IL20RB: variants seen among roughly 807,000 people sequenced by gnomAD.
The protein encoded by IL20RB is interleukin 20 receptor subunit beta.
In IL20RB, 21 loss-of-function variants were observed where a neutral mutation model predicts 33.3. That is an observed-to-expected ratio of 0.63 (90% CI 0.45 to 0.91). The LOEUF is 0.91. Ranked by LOEUF, IL20RB falls within the 40% of genes least tolerant of loss-of-function variation. IL20RB has a pLI of 0.00. For synonymous variants in IL20RB, 147 were observed against 146.8 expected (o/e 1.00, Z -0.01); for missense variants, 345 against 384.8 (o/e 0.90, Z 0.86).
intron 3 of IL20RB, among the ~76,000 whole-genome samples, chr3:136,985,548 G>A (rs1034997523): frequency 1.3e-5 from 2 of 152,062 alleles, no homozygotes; most frequent in African/African-American, 4.8e-5. Context: ...TGTTGGCCAG[G>A]CTGGTCTCGA....
At chr3:136,962,493 C>T (rs1422518356) in intron 1 of IL20RB, among the ~76,000 whole-genome samples, 1 of 152,164 alleles carries the variant, frequency 6.6e-6, no homozygotes, top group African/African-American at 2.4e-5. Context: ...GTGGCTCATG[C>T]CTGTAATCCC....
At chr3:136,989,804 T>C (rs1941995845) in intron 4 of IL20RB, among the ~76,000 whole-genome samples, 1 of 152,210 alleles carries the variant, frequency 6.6e-6, no homozygotes, top group Non-Finnish European at 1.5e-5. Flanking sequence ...TGCTGAAGTA[T>C]GGGGCTGCCC....
At chr3:136,976,377 T>TG (rs1941618207) in intron 1 of IL20RB, among the ~76,000 whole-genome samples, 1 of 152,080 alleles carries the variant, frequency 6.6e-6, no homozygotes, top group South Asian at 2.1e-4. Flanking sequence ...CTGGAGAAGG[T>TG]GGGGCTGACC....
At chr3:136,975,295 T>C (rs1941586164) in intron 1 of IL20RB, among the ~76,000 whole-genome samples, 1 of 152,128 alleles carries the variant, frequency 6.6e-6, no homozygotes, top group African/African-American at 2.4e-5. Context: ...GATGTATCTG[T>C]GGTGTTCATT....
At chr3:136,972,744 T>A (rs1624703) in intron 1 of IL20RB, among the ~76,000 whole-genome samples, 70,255 of 150,698 alleles carry the variant, frequency 0.47, 16,780 homozygotes, top group East Asian at 0.7. Flanking sequence ...GAAGAAAAAT[T>A]TTTTTTTTTC....
chr3:136,959,572 G>A (rs1316728083), intron 1 of IL20RB: 1 of 152,236 alleles, frequency 6.6e-6, no homozygotes, highest in Non-Finnish European at 1.5e-5. Context: ...GAAGATGGGA[G>A]GCTGAATGAG....
chr3:136,980,720 C>T, intron 2 of IL20RB, 128 bp downstream of exon 2: 1 of 854,654 alleles, frequency 1.2e-6, no homozygotes, highest in Non-Finnish European at 1.9e-6. Flanking sequence ...GATCTACCCC[C>T]TCTGTCTGCA....
At chr3:136,976,615 G>C (rs1408674407) in intron 1 of IL20RB, among the ~76,000 whole-genome samples, 1 of 152,214 alleles carries the variant, frequency 6.6e-6, no homozygotes, top group Non-Finnish European at 1.5e-5. Context: ...AGCATTGTCA[G>C]CTGCAGCCCA....
At chr3:136,976,468 A>G (rs531586685) in intron 1 of IL20RB, among the ~76,000 whole-genome samples, 1 of 152,160 alleles carries the variant, frequency 6.6e-6, no homozygotes, top group Non-Finnish European at 1.5e-5. Flanking sequence ...CTTACCCCCC[A>G]GCCCTGGCAG....
chr3:137,007,450 C>T (rs529108398), intron 6 of IL20RB, among the ~76,000 whole-genome samples: 90 of 152,150 alleles, frequency 5.9e-4, no homozygotes, highest in Non-Finnish European at 1.1e-3. Context: ...CCGCCAAGTT[C>T]GAGCTTCCTG....
At chr3:136,975,064 C>T (rs997461922) in intron 1 of IL20RB, among the ~76,000 whole-genome samples, 1 of 152,052 alleles carries the variant, frequency 6.6e-6, no homozygotes, top group Non-Finnish European at 1.5e-5. Flanking sequence ...TCCCACTGAG[C>T]TTCTTTAATA....
In IL20RB at chr3:136,964,329, A is replaced by G. The variant is rs1462262614; in HGVS notation, c.88+6128A>G. Among the ~76,000 whole-genome samples the G allele has an allele frequency of 5.1e-5, 5 of 98,924 alleles. 1 individual carries two copies. The allele number at this position is 98,924 out of a possible 152,430, so 64.9% of individuals were successfully genotyped here. On this transcript the variant is annotated intron_variant, in intron 1 of 6. Transcript: ENST00000329582. ...CCACCAACAGTGTAAAAGTGTTCCT[A>G]TTTCTCCACATCCTCTCCAACACCT...
At chr3:136,974,289 G>A (rs1447963386) in intron 1 of IL20RB, among the ~76,000 whole-genome samples, 1 of 152,040 alleles carries the variant, frequency 6.6e-6, no homozygotes, top group African/African-American at 2.4e-5. Context: ...TCAATTTCAG[G>A]TTTAGGACTC....
chr3:136,975,211 T>C (rs1941584612), intron 1 of IL20RB, among the ~76,000 whole-genome samples: 1 of 152,204 alleles, frequency 6.6e-6, no homozygotes. Flanking sequence ...TATGTTGATA[T>C]CTGCACATCT....
At chr3:136,962,427 G>T (rs535546811) in intron 1 of IL20RB, among the ~76,000 whole-genome samples, 1 of 152,048 alleles carries the variant, frequency 6.6e-6, no homozygotes, top group Non-Finnish European at 1.5e-5. Flanking sequence ...ACTGAGATAC[G>T]TTCTACAAAA....
At chr3:136,980,654 C>G (rs190726395) in intron 2 of IL20RB, 62 bp downstream of exon 2, 5 of 1,591,144 alleles carry the variant, frequency 3.1e-6, no homozygotes. Flanking sequence ...GAAGGCATAG[C>G]CCTTCCTCCT....
At chr3:136,963,407 C>A (rs1941278123) in intron 1 of IL20RB, among the ~76,000 whole-genome samples, 1 of 152,202 alleles carries the variant, frequency 6.6e-6, no homozygotes, top group Non-Finnish European at 1.5e-5. Flanking sequence ...TTCCTACCAA[C>A]AATGTATAAG....
At chr3:137,004,267 T>C (rs1942306425) in intron 6 of IL20RB, among the ~76,000 whole-genome samples, 1 of 152,250 alleles carries the variant, frequency 6.6e-6, no homozygotes, top group Admixed American at 6.5e-5. Flanking sequence ...ATCAGGATGA[T>C]GCTGGCCTCA....
chr3:136,969,163 C>G (rs1941397713), intron 1 of IL20RB: 1 of 33,470 alleles, frequency 3.0e-5, no homozygotes, highest in African/African-American at 1.6e-4. Context: ...TGTCTGTGCC[C>G]TGCCCCCAGA....
Sources: allele counts gnomAD v4.1 joint callset (sites outside exome capture counted in the v4.1 genomes callset), GRCh38; gene constraint gnomAD v4.1.1; transcripts MANE v1.5; gene names NCBI Gene and HGNC (gene_info 2026-07-23, HGNC 2026-07-21).